FMO1: variants seen among roughly 807,000 people sequenced by gnomAD.
FMO1 encodes flavin-containing monooxygenase 1.
A neutral mutation model predicts 45.4 loss-of-function variants in FMO1; 36 were observed. That is an observed-to-expected ratio of 0.79 (90% CI 0.61 to 1.05). The LOEUF is 1.05. Among genes scored for constraint, FMO1 ranks in the 50% least tolerant of loss-of-function variants. The pLI is 0.00. For synonymous variants in FMO1, 228 were observed against 227.2 expected (o/e 1.00, Z -0.03); for missense variants, 615 against 640.3 (o/e 0.96, Z 0.43).
intron 2 of FMO1, among the ~76,000 whole-genome samples, chr1:171,261,752 AAT>A (rs973475649): frequency 1.6e-4 from 24 of 152,178 alleles, no homozygotes; most frequent in African/African-American, 5.8e-4. Context: ...GACAAAAATA[AAT>A]AAATAAATTA....
intron 7 of FMO1, chr1:171,282,757 A>G: frequency 4.3e-6 from 1 of 234,152 alleles, no homozygotes; most frequent in Non-Finnish European, 8.2e-6. Context: ...AGTGGAGACT[A>G]CAGACATGCA....
At chr1:171,257,034 C>T (rs553224010) in intron 1 of FMO1, among the ~76,000 whole-genome samples, 53 of 152,308 alleles carry the variant, frequency 3.5e-4, no homozygotes, top group Non-Finnish European at 7.4e-4. Flanking sequence ...TTTAAAGTTT[C>T]AATAACTTAC....
chr1:171,260,394 G>T (rs1053666770), intron 2 of FMO1, among the ~76,000 whole-genome samples: 2 of 152,162 alleles, frequency 1.3e-5, no homozygotes, highest in Non-Finnish European at 2.9e-5. Context: ...GGCAGGAAAA[G>T]GGAGGAGTGG....
intron 3 of FMO1, among the ~76,000 whole-genome samples, chr1:171,274,828 G>A (rs1661037827): frequency 6.6e-6 from 1 of 152,148 alleles, no homozygotes; most frequent in South Asian, 2.1e-4. Flanking sequence ...TTGAAATGTG[G>A]ACTACTCTCA....
rs1479339297 is a variant in FMO1, at chr1:171,285,391, A to G, written c.1446A>G (p.Glu482=). 2.5e-6 allele frequency: 4 copies of G among 1,613,782 alleles called. No homozygotes were observed. The highest frequency in any genetic ancestry group is 3.4e-6 in the Non-Finnish European group (4 of 1,179,874). ...QFRLTGPGKW[E]GARNAIMTQW... is the part of the protein sequence containing the mutation. Reference sequence around the variant, plus strand: ...GCTTGACTGGCCCAGGAAAATGGGAAGGAGCCAGAAATGCCATCATGACCC... The same window carrying G: ...GCTTGACTGGCCCAGGAAAATGGGAGGGAGCCAGAAATGCCATCATGACCC... The change falls in exon 9 of 9, where the codon GAA becomes GAG. Residue 482 remains glutamate, a synonymous_variant. Coordinates refer to ENST00000617670, the MANE Select transcript of FMO1 (RefSeq NM_001282693.2).
Position 171,285,398 on chromosome 1 carries a change from A to G in FMO1, c.1453A>G (p.Arg485Gly), listed in dbSNP as rs748326946. The G allele has an allele frequency of 6.2e-7, 1 of 1,613,740 alleles. No homozygotes were observed. The highest frequency in any genetic ancestry group is 8.5e-7 in the Non-Finnish European group (1 of 1,179,860). The stretch of plus-strand genomic sequence containing the variant: ...TGGCCCAGGAAAATGGGAAGGAGCC[A>G]GAAATGCCATCATGACCCAGTGGGA... ...LTGPGKWEGA[R>G]NAIMTQWDRT... The change falls in exon 9 of 9, where the codon AGA becomes GGA. Residue 485 changes from arginine (R) to glycine (G), a missense_variant. Coordinates refer to ENST00000617670, the MANE Select transcript of FMO1 (RefSeq NM_001282693.2).
At chr1:171,274,865 C>T (rs1023276710) in intron 3 of FMO1, among the ~76,000 whole-genome samples, 1 of 152,326 alleles carries the variant, frequency 6.6e-6, no homozygotes, top group Admixed American at 6.5e-5. Flanking sequence ...AATGTTAGCA[C>T]TTTTCAATTG....
intron 8 of FMO1, 114 bp downstream of exon 8, chr1:171,283,330 G>C (rs1661473655): frequency 4.0e-6 from 2 of 505,814 alleles, no homozygotes; most frequent in East Asian, 3.6e-5. Context: ...CAATAGCAGA[G>C]AGATGAAAGT....
chr1:171,266,616 T>C (rs1459949688), intron 2 of FMO1, among the ~76,000 whole-genome samples: 1 of 152,238 alleles, frequency 6.6e-6, no homozygotes, highest in Non-Finnish European at 1.5e-5. Flanking sequence ...AATCTATATA[T>C]GATATCAATT....
Position 171,282,230 on chromosome 1 carries a change from T to G in FMO1, c.1080T>G (p.His360Gln). 6.2e-7 allele frequency: 1 copy of G among 1,614,010 alleles called. No homozygotes were observed. The highest frequency in any genetic ancestry group is 1.1e-5 in the South Asian group (1 of 91,082). The change falls in exon 7 of 9, where the codon CAT becomes CAG. Residue 360 changes from histidine to glutamine, a missense_variant. Transcript: ENST00000617670. ...ASLYKYIFPA[H>Q]LQKPTLAIIG... The stretch of plus-strand genomic sequence containing the variant: ...TGTACAAGTATATCTTCCCTGCACA[T>G]CTGCAAAAGCCAACCCTGGCCATTA...
At chr1:171,276,786 C>G (rs1276824046) in intron 4 of FMO1, among the ~76,000 whole-genome samples, 1 of 152,022 alleles carries the variant, frequency 6.6e-6, no homozygotes, top group Non-Finnish European at 1.5e-5. Context: ...CCTGGATTTG[C>G]CCCCCAAAGT....
chr1:171,254,027 A>C (rs1660032006), intron 1 of FMO1: 1 of 152,220 alleles, frequency 6.6e-6, no homozygotes, highest in Non-Finnish European at 1.5e-5. Flanking sequence ...CTAGCCAATA[A>C]AAGGTAATTT....
rs2101831103 is a variant in FMO1 at position 171,275,355 on chromosome 1, T to C, written c.331T>C (p.Cys111Arg). Residue 111 changes from cysteine to arginine, a missense_variant, in exon 4 of 9, where the codon TGC becomes CGC. Cys to Arg is a radical substitution (Grantham distance 180). Coordinates refer to ENST00000617670, the MANE Select transcript of FMO1 (RefSeq NM_001282693.2). ...GTGATTCTTTTTTCAGACCAAAGTC[T>C]GCAGTGTAACAAAATGCTCAGATTC... ...LKHIQFKTKV[C>R]SVTKCSDSAV... The C allele has an allele frequency of 6.2e-7, 1 of 1,613,794 alleles. No individual in the cohort carries two copies.
At chr1:171,250,604 A>C (rs748752971) in intron 1 of FMO1, among the ~76,000 whole-genome samples, 1 of 151,798 alleles carries the variant, frequency 6.6e-6, no homozygotes, top group Non-Finnish European at 1.5e-5. Flanking sequence ...TATAAAATTC[A>C]CAAAAAAGCA....
intron 5 of FMO1, 131 bp from the exon 6 acceptor site, chr1:171,280,655 T>G: frequency 1.5e-6 from 1 of 688,666 alleles, no homozygotes. Context: ...AAGACTATCT[T>G]GTCAGGGGTG....
At chr1:171,277,168 CCTCT>C (rs1661144248) in intron 4 of FMO1, among the ~76,000 whole-genome samples, 1 of 152,178 alleles carries the variant, frequency 6.6e-6, no homozygotes, top group African/African-American at 2.4e-5. Flanking sequence ...GTTCTCCCAA[CCTCT>C]CTATCTCCTG....
At chr1:171,279,006 A>G in intron 5 of FMO1, 135 bp downstream of exon 5, 1 of 701,150 alleles carries the variant, frequency 1.4e-6, no homozygotes. Flanking sequence ...AAGGAATTTA[A>G]TTTTTACTGA....
chr1:171,271,130 T>C (rs1479273134), intron 3 of FMO1: 1 of 888,494 alleles, frequency 1.1e-6, no homozygotes, highest in Non-Finnish European at 1.9e-6. Context: ...TTTTTGTATT[T>C]TTCCTTTAGC....
chr1:171,252,885 T>A, intron 1 of FMO1, among the ~76,000 whole-genome samples: 1 of 152,256 alleles, frequency 6.6e-6, no homozygotes, highest in East Asian at 1.9e-4. Context: ...TAAATGAATC[T>A]CAGTCTTTCA....
Sources: gnomAD v4.1 joint callset for allele counts (sites outside exome capture counted in the v4.1 genomes callset) on GRCh38, gnomAD v4.1.1 for gene constraint, MANE v1.5 for transcripts, NCBI Gene and HGNC (gene_info 2026-07-23, HGNC 2026-07-21) for gene names.